The following PCDHA11 variants were observed in gnomAD, a reference collection of about 807,000 sequenced individuals.
PCDHA11 encodes the protein protocadherin alpha-11.
In PCDHA11, 61 loss-of-function variants were observed where a neutral mutation model predicts 70.3. The observed-to-expected ratio is 0.87, with a 90% CI of 0.71 to 1.07. The LOEUF (loss-of-function observed/expected upper bound fraction) is 1.07. Among genes scored for constraint, PCDHA11 ranks in the 50% least tolerant of loss-of-function variants. The pLI is 0.00. For synonymous variants in PCDHA11, 633 were observed against 555.1 expected (o/e 1.14, Z -1.97); for missense variants, 1,324 against 1,237.5 (o/e 1.07, Z -1.05).
At chr5:140,981,380 C>T (rs2096929731) in intron 2 of PCDHA11, among the ~76,000 whole-genome samples, 1 of 152,054 alleles carries the variant, frequency 6.6e-6, no homozygotes, top group Non-Finnish European at 1.5e-5. Flanking sequence ...TCAAGACCAG[C>T]CTGGTCAATA....
At chr5:140,881,559 C>G (rs1293330721) in intron 1 of PCDHA11, among the ~76,000 whole-genome samples, 2 of 152,174 alleles carry the variant, frequency 1.3e-5, no homozygotes, top group Admixed American at 6.5e-5. Context: ...ATATAAATAT[C>G]TTATCTACAT....
chr5:140,897,923 G>A (rs371929339), intron 1 of PCDHA11, among the ~76,000 whole-genome samples: 11 of 152,078 alleles, frequency 7.2e-5, no homozygotes, highest in East Asian at 5.8e-4. Flanking sequence ...TTTGATTTGC[G>A]TTTCTCTGAT....
intron 1 of PCDHA11, among the ~76,000 whole-genome samples, chr5:140,973,691 T>C (rs1420618979): frequency 6.6e-6 from 1 of 152,224 alleles, no homozygotes; most frequent in Non-Finnish European, 1.5e-5. Context: ...GGCCTACTGT[T>C]TCCTTCTGAC....
chr5:140,997,781 C>T (rs1207024588), intron 3 of PCDHA11, among the ~76,000 whole-genome samples: 3 of 151,626 alleles, frequency 2.0e-5, no homozygotes, highest in African/African-American at 7.3e-5. Flanking sequence ...TGTTGTATAC[C>T]TATATTATAA....
intron 1 of PCDHA11, chr5:140,875,979 C>G: frequency 3.7e-6 from 6 of 1,613,984 alleles, no homozygotes; most frequent in Non-Finnish European, 5.1e-6. Flanking sequence ...CTCTTTTGAC[C>G]TATGCGTTAA....
intron 1 of PCDHA11, chr5:140,969,181 T>C (rs1554231546): frequency 1.2e-6 from 2 of 1,613,978 alleles, no homozygotes; most frequent in Non-Finnish European, 8.5e-7. Flanking sequence ...GGAGTGACAC[T>C]TTCATGTTTT....
intron 1 of PCDHA11, chr5:140,876,877 C>T: frequency 6.2e-7 from 1 of 1,614,138 alleles, no homozygotes; most frequent in Non-Finnish European, 8.5e-7. Context: ...GGAGAACAAC[C>T]CGCCGGGCTG....
rs782406571 is a variant in PCDHA11 at position 140,876,145 on chromosome 5, T to C, written c.2391+4651T>C. 1.9e-6 allele frequency: 3 copies of C among 1,613,788 alleles called. No homozygotes were observed. The East Asian group carries it at 6.7e-5, about 36-fold the overall frequency. ...TGGCGGTAAACCAGAACTAACAGGG[T>C]CTGTCCAGATTCAAATAACCGTCCT... On this transcript the variant is annotated intron_variant, in intron 1 of 3. Coordinates refer to ENST00000398640, the MANE Select transcript of PCDHA11 (RefSeq NM_018902.5).
chr5:140,969,075 A>G, intron 1 of PCDHA11: 1 of 1,614,184 alleles, frequency 6.2e-7, no homozygotes, highest in Non-Finnish European at 8.5e-7. Flanking sequence ...AGGATACCGC[A>G]TGGCCTCAAA....
At chr5:140,941,099 TATTACTGG>T (rs1174229664) in intron 1 of PCDHA11, among the ~76,000 whole-genome samples, 5 of 152,146 alleles carry the variant, frequency 3.3e-5, no homozygotes, top group Non-Finnish European at 1.5e-5. Context: ...TTTCACATAC[TATTACTGG>T]AAAGATTAGT....
At chr5:140,954,653 T>C (rs1467846481) in intron 1 of PCDHA11, among the ~76,000 whole-genome samples, 3 of 152,244 alleles carry the variant, frequency 2.0e-5, no homozygotes, top group Admixed American at 6.5e-5. Flanking sequence ...TTAAGTTCCT[T>C]GTAGACTCTG....
intron 1 of PCDHA11, chr5:140,883,965 T>A (rs781999874): frequency 1.9e-6 from 3 of 1,613,128 alleles, no homozygotes; most frequent in Non-Finnish European, 2.5e-6. Context: ...CCGGCGCTGC[T>A]GACGCCCGGG....
intron 2 of PCDHA11, 148 bp from the exon 3 acceptor site, chr5:140,982,327 C>T: frequency 7.0e-7 from 1 of 1,419,146 alleles, no homozygotes; most frequent in Non-Finnish European, 9.4e-7. Context: ...AGGGTGACTG[C>T]TCAGCAGTAA....
chr5:140,928,943 T>C, intron 1 of PCDHA11: 1 of 1,614,090 alleles, frequency 6.2e-7, no homozygotes, highest in Non-Finnish European at 8.5e-7. Flanking sequence ...AACTTGTATT[T>C]AGTAATTGCC....
At chr5:140,968,036 A>G (rs1554230231) in intron 1 of PCDHA11, 1 of 1,614,042 alleles carries the variant, frequency 6.2e-7, no homozygotes, top group African/African-American at 1.3e-5. Context: ...ACTGGTGGTG[A>G]GCGGCCCACT....
chr5:140,950,040 C>A (rs1053592525), intron 1 of PCDHA11, among the ~76,000 whole-genome samples: 2 of 151,718 alleles, frequency 1.3e-5, no homozygotes, highest in Non-Finnish European at 3.0e-5. Flanking sequence ...AAGTTACAAC[C>A]ATATAAGACT....
At chr5:140,887,253 C>T (rs1045921651) in intron 1 of PCDHA11, among the ~76,000 whole-genome samples, 3 of 151,962 alleles carry the variant, frequency 2.0e-5, no homozygotes, top group Admixed American at 6.6e-5. Flanking sequence ...CCCGCCACCA[C>T]GCCCTGCTAA....
At chr5:140,883,379 C>G in intron 1 of PCDHA11, 1 of 1,614,182 alleles carries the variant, frequency 6.2e-7, no homozygotes, top group Non-Finnish European at 8.5e-7. Flanking sequence ...CATTATTGCC[C>G]TAATCAGTGT....
At chr5:140,877,578 C>A (rs782777600) in intron 1 of PCDHA11, 6 of 1,613,700 alleles carry the variant, frequency 3.7e-6, no homozygotes, top group East Asian at 2.2e-5. Flanking sequence ...ACCTCATCAT[C>A]GCCATCTGTG....
Sources: allele counts gnomAD v4.1 joint callset (sites outside exome capture counted in the v4.1 genomes callset), GRCh38; gene constraint gnomAD v4.1.1; transcripts MANE v1.5; gene names NCBI Gene and HGNC (gene_info 2026-07-23, HGNC 2026-07-21).